Variants in SSR3 observed in about 807,000 individuals in gnomAD.
SSR3 encodes the protein translocon-associated protein subunit gamma.
Under a neutral mutation model 22.1 loss-of-function variants are expected in SSR3, and 10 were observed. The ratio of observed to expected loss-of-function variants is 0.45; its 90% CI spans 0.28 to 0.77. SSR3 has a LOEUF of 0.77. Ranked by LOEUF, SSR3 falls within the 30% of genes least tolerant of loss-of-function variation. SSR3 has a pLI of 0.13. For synonymous variants in SSR3, 104 were observed against 82.5 expected, an observed-to-expected ratio of 1.26 and a Z score of -1.42; for missense variants, 181 against 220.5, an observed-to-expected ratio of 0.82 and a Z score of 1.13.
chr3:156,547,702 C>A (rs967128462), intron 3 of SSR3, among the ~76,000 whole-genome samples: 1 of 152,140 alleles, frequency 6.6e-6, no homozygotes, highest in Non-Finnish European at 1.5e-5. Context: ...TCCAAAACCA[C>A]TATAGAAGAC....
rs1007749077 is a variant in SSR3, at chr3:156,540,129, T to C, written c.*3074A>G. 6.6e-6 allele frequency: 1 copy of C among 152,186 alleles called. No homozygotes were observed. Among genetic ancestry groups the C allele is most frequent in the Non-Finnish European group, 1.5e-5 (1 of 68,036 alleles). The allele number at this position is 152,186 out of a possible 1,614,324, so 9.4% of individuals were successfully genotyped here. On this transcript the variant is annotated 3_prime_UTR_variant, in exon 5 of 5. Transcript: ENST00000265044. Reference sequence around the variant, plus strand: ...ATCATAGGATTCTTATAAAGAAGTGTAGGGAAAATACAAATTTTAAGAAGC... The same window carrying C: ...ATCATAGGATTCTTATAAAGAAGTGCAGGGAAAATACAAATTTTAAGAAGC...
chr3:156,548,688 T>C (rs1284348128), intron 3 of SSR3: 4 of 598,380 alleles, frequency 6.7e-6, no homozygotes, highest in South Asian at 2.4e-5. Context: ...CAGGACTCTT[T>C]AGAGGAATAA....
intron 2 of SSR3, among the ~76,000 whole-genome samples, chr3:156,550,455 G>C (rs780306347): frequency 6.6e-6 from 1 of 152,126 alleles, no homozygotes; most frequent in Non-Finnish European, 1.5e-5. Context: ...CCTACCAGGG[G>C]CATAACAACC....
chr3:156,554,475 A>G (rs971028963), intron 1 of SSR3, among the ~76,000 whole-genome samples: 6 of 152,152 alleles, frequency 3.9e-5, no homozygotes, highest in African/African-American at 1.2e-4. Flanking sequence ...TTTTGCAAAA[A>G]CCAGGAAAAT....
chr3:156,550,198 C>A (rs1301712105), intron 2 of SSR3, among the ~76,000 whole-genome samples: 1 of 152,126 alleles, frequency 6.6e-6, no homozygotes, highest in Non-Finnish European at 1.5e-5. Context: ...AAAAGACCAA[C>A]TGAAAAGAAA....
intron 2 of SSR3, 27 bp downstream of exon 2, chr3:156,553,628 G>C: frequency 6.2e-7 from 1 of 1,605,668 alleles, no homozygotes; most frequent in Non-Finnish European, 8.5e-7. Context: ...CATGTAGTAC[G>C]TACTTTCACT....
rs910756638 is a variant in SSR3 at position 156,540,640 on chromosome 3, A to G, written c.*2563T>C. On this transcript the variant is annotated 3_prime_UTR_variant, in exon 5 of 5. Transcript: ENST00000265044. Reference sequence around the variant, plus strand: ...AAAAAAAAAAAAAGAATATCAATCCAAGATTTTTATTAAGTTAAAATGAAG... The same window carrying G: ...AAAAAAAAAAAAAGAATATCAATCCGAGATTTTTATTAAGTTAAAATGAAG... 1 of 151,298 alleles carries G rather than the reference A, an allele frequency of 6.6e-6. No homozygotes were observed. The highest frequency in any genetic ancestry group is 1.5e-5 in the Non-Finnish European group (1 of 67,888). 9.4% of individuals were successfully genotyped at this position (151,298 alleles called of 1,614,324 possible). A position where few individuals can be genotyped will look rare whatever the true frequency, so the allele number is the denominator to read the frequency against.
intron 3 of SSR3, among the ~76,000 whole-genome samples, chr3:156,545,506 G>C (rs1719728257): frequency 6.6e-6 from 1 of 152,078 alleles, no homozygotes; most frequent in African/African-American, 2.4e-5. Context: ...TCAACCCTAA[G>C]GACAGCACTT....
At chr3:156,549,383 T>A (rs1719871581) in intron 2 of SSR3, among the ~76,000 whole-genome samples, 1 of 152,244 alleles carries the variant, frequency 6.6e-6, no homozygotes, top group Admixed American at 6.5e-5. Context: ...AAGGCATTAG[T>A]AAATGATGTA....
chr3:156,554,456 CCTCT>C (rs1347125404), intron 1 of SSR3, among the ~76,000 whole-genome samples: 2 of 152,144 alleles, frequency 1.3e-5, no homozygotes, highest in Non-Finnish European at 2.9e-5. Flanking sequence ...GGCACTTCAA[CCTCT>C]CTCTTTTTGC....
At chr3:156,552,432 A>G (rs965091442) in intron 2 of SSR3, among the ~76,000 whole-genome samples, 2 of 152,194 alleles carry the variant, frequency 1.3e-5, no homozygotes, top group African/African-American at 4.8e-5. Context: ...TATGGATGCT[A>G]TAAGGATTAC....
At chr3:156,549,097 G>C in intron 2 of SSR3, 94 bp from the exon 3 acceptor site, 1 of 1,198,992 alleles carries the variant, frequency 8.3e-7, no homozygotes, top group Non-Finnish European at 1.1e-6. Flanking sequence ...ATTTCGTACT[G>C]GCAACAGAAT....
At chr3:156,545,283 A>T (rs1719721095) in intron 3 of SSR3, among the ~76,000 whole-genome samples, 1 of 152,252 alleles carries the variant, frequency 6.6e-6, no homozygotes, top group African/African-American at 2.4e-5. Context: ...TGAAATAGGA[A>T]AGAATAGAAA....
intron 3 of SSR3, among the ~76,000 whole-genome samples, chr3:156,545,093 A>G (rs1719714791): frequency 6.6e-6 from 1 of 152,184 alleles, no homozygotes. Flanking sequence ...CCCTTCACAC[A>G]TGCAAAAGGA....
chr3:156,554,928 G>A, intron 1 of SSR3, 29 bp downstream of exon 1: 2 of 1,603,996 alleles, frequency 1.2e-6, no homozygotes, highest in East Asian at 4.5e-5. Context: ...CCGGCGGCCT[G>A]CCTAACCCGC....
At chr3:156,553,931 C>A in intron 1 of SSR3, 150 bp from the exon 2 acceptor site, 3 of 679,766 alleles carry the variant, frequency 4.4e-6, no homozygotes, top group Non-Finnish European at 6.8e-6. Context: ...TCTTCAGAAG[C>A]GAGATAACCA....
chr3:156,543,048 G>A lies in SSR3; in HGVS notation c.*155C>T. The A allele has an allele frequency of 2.0e-6, 1 of 502,770 alleles. No homozygotes were observed. Among genetic ancestry groups the A allele is most frequent in the South Asian group, 5.1e-5 (1 of 19,484 alleles). 31.1% of individuals were successfully genotyped at this position (502,770 alleles called of 1,614,324 possible). On this transcript the variant is annotated 3_prime_UTR_variant, in exon 5 of 5. Coordinates refer to ENST00000265044, the MANE Select transcript of SSR3 (RefSeq NM_007107.5). ...AATTTCAACAATCTGTCAAAAAACA[G>A]CCAATAAACAAATACTGAATTACAT...
chr3:156,553,528 C>T (rs1720035731), intron 2 of SSR3, 127 bp downstream of exon 2: 2 of 962,888 alleles, frequency 2.1e-6, no homozygotes, highest in South Asian at 2.2e-5. Context: ...TCCTTTCCCC[C>T]AAAATGTTTA....
Position 156,553,738 on chromosome 3 carries a change from A to G in SSR3, c.177T>C (p.Ala59=), listed in dbSNP as rs748690309. 1.9e-6 allele frequency: 3 copies of G among 1,612,720 alleles called. No individual in the cohort carries two copies. Among genetic ancestry groups the G allele is most frequent in the South Asian group, 2.2e-5 (2 of 90,862 alleles). Residue 59 remains alanine (A), a synonymous_variant, in exon 2 of 5, where the codon GCT becomes GCC. Transcript: ENST00000265044. ...RIWHMDLIQS[A]VLYSVMTLVS... ...CTAGGGTCATCACACTATACAAAAC[A>G]GCAGACTGAATAAGATCCATATGCC...
Sources: allele counts gnomAD v4.1 joint callset (sites outside exome capture counted in the v4.1 genomes callset), GRCh38; gene constraint gnomAD v4.1.1; transcripts MANE v1.5; gene names NCBI Gene and HGNC (gene_info 2026-07-23, HGNC 2026-07-21).